HPSE2: variants seen among roughly 807,000 people sequenced by gnomAD.
HPSE2 encodes inactive heparanase-2.
A neutral mutation model predicts 60.5 loss-of-function variants in HPSE2; 38 were observed. The ratio of observed to expected loss-of-function variants is 0.63; its 90% CI spans 0.48 to 0.82. The LOEUF (loss-of-function observed/expected upper bound fraction) is 0.82, where lower values mean the gene tolerates loss of function less well. HPSE2 is among the 40% of genes least tolerant of loss of function. HPSE2 has a pLI of 0.00. For missense variants in HPSE2, 713 were observed against 740.4 expected, an observed-to-expected ratio of 0.96 and a Z score of 0.43; for synonymous variants, 295 against 293.2, an observed-to-expected ratio of 1.01 and a Z score of -0.06.
chr10:99,248,798 C>A, the HPSE2 span, among the ~76,000 whole-genome samples: 1 of 152,218 alleles, frequency 6.6e-6, no homozygotes, highest in Admixed American at 6.5e-5. Context: ...ATGCCCTGTG[C>A]AACCTCAGGA....
At chr10:99,180,116 T>G (rs534877327) in intron 2 of HPSE2, among the ~76,000 whole-genome samples, 33 of 152,280 alleles carry the variant, frequency 2.2e-4, no homozygotes, top group African/African-American at 7.7e-4. Flanking sequence ...TAACTCAAGA[T>G]GGATTAAAGA....
chr10:99,232,610 G>A, intron 1 of HPSE2, 105 bp from the exon 2 acceptor site: 1 of 1,299,700 alleles, frequency 7.7e-7, no homozygotes, highest in Non-Finnish European at 1.1e-6. Context: ...GACCTGGCCG[G>A]GGCTAGAGGC....
At chr10:98,987,398 C>A (rs906150456) in intron 3 of HPSE2, among the ~76,000 whole-genome samples, 1 of 152,172 alleles carries the variant, frequency 6.6e-6, no homozygotes, top group Non-Finnish European at 1.5e-5. Context: ...ACAAAAACCA[C>A]ATGATTATCT....
intron 6 of HPSE2, among the ~76,000 whole-genome samples, chr10:98,657,995 A>G (rs1947120816): frequency 6.6e-6 from 1 of 152,204 alleles, no homozygotes; most frequent in African/African-American, 2.4e-5. Flanking sequence ...GAATGAGAAC[A>G]GACGAAGTTT....
At chr10:99,094,292 G>C (rs781309101) in intron 3 of HPSE2, among the ~76,000 whole-genome samples, 1 of 151,288 alleles carries the variant, frequency 6.6e-6, no homozygotes, top group Admixed American at 6.6e-5. Flanking sequence ...GTATTGAAAC[G>C]TTCTCTATGA....
intron 3 of HPSE2, among the ~76,000 whole-genome samples, chr10:98,933,376 G>A (rs1379628291): frequency 6.9e-6 from 1 of 144,124 alleles, no homozygotes; most frequent in Non-Finnish European, 1.5e-5. Context: ...TTCCAATTAT[G>A]TGATCAATTT....
At position 98,952,921 on chromosome 10, in the gene HPSE2, T is replaced by A. The variant is rs181180539; in HGVS notation, c.610+191317A>T. Among the ~76,000 whole-genome samples the A allele has an allele frequency of 2.6e-5, 4 of 152,216 alleles. No individual in the cohort carries two copies. The East Asian group carries it at 7.7e-4, about 29-fold the overall frequency. ...CTCTGTCTCCAAATATAGTCCACAT[T>A]GGGAGTTAGGGCTTCAATATACGAA... On this transcript the variant is annotated intron_variant, in intron 3 of 11. Coordinates refer to ENST00000370552, the MANE Select transcript of HPSE2 (RefSeq NM_021828.5).
intron 3 of HPSE2, among the ~76,000 whole-genome samples, chr10:99,135,222 C>CCTTT (rs1845599941): frequency 7.1e-6 from 1 of 140,538 alleles, no homozygotes. Context: ...TCTTAGAGAC[C>CCTTT]TACAAAGAGA....
intron 3 of HPSE2, among the ~76,000 whole-genome samples, chr10:98,872,978 G>A (rs1409051039): frequency 6.6e-6 from 1 of 152,092 alleles, no homozygotes; most frequent in East Asian, 1.9e-4. Context: ...ACACTAAGCA[G>A]CATCTGCTTG....
At chr10:98,574,606 A>T (rs1259611148) in intron 9 of HPSE2, among the ~76,000 whole-genome samples, 1 of 152,176 alleles carries the variant, frequency 6.6e-6, no homozygotes, top group East Asian at 1.9e-4. Flanking sequence ...CATCCAGTCT[A>T]CCCAATATGC....
chr10:98,653,885 GA>G (rs1164727275), intron 6 of HPSE2, among the ~76,000 whole-genome samples: 9 of 151,852 alleles, frequency 5.9e-5, no homozygotes, highest in Admixed American at 5.9e-4. Context: ...CTCATGCAGG[GA>G]AAGTCTGCTG....
chr10:98,690,801 T>C (rs1009066104), intron 6 of HPSE2, among the ~76,000 whole-genome samples: 2 of 152,294 alleles, frequency 1.3e-5, no homozygotes, highest in South Asian at 4.1e-4. Flanking sequence ...GTTTTCTAAA[T>C]GGGTTGGTGG....
chr10:98,599,417 T>C (rs568869158), intron 9 of HPSE2, among the ~76,000 whole-genome samples: 1 of 152,184 alleles, frequency 6.6e-6, no homozygotes, highest in African/African-American at 2.4e-5. Context: ...AGGGTGGGCC[T>C]GAAGCCCAGG....
intron 3 of HPSE2, among the ~76,000 whole-genome samples, chr10:99,073,435 T>TGGACACAGGGAGGAGAACAAC (rs1842861514): frequency 6.7e-6 from 1 of 149,786 alleles, no homozygotes; most frequent in Non-Finnish European, 1.5e-5. Flanking sequence ...TGAGAACACA[T>TGGACACAGGGAGGAGAACAAC]GGACACAGGG....
chr10:99,220,543 G>A (rs868174302), intron 2 of HPSE2, among the ~76,000 whole-genome samples: 4 of 152,224 alleles, frequency 2.6e-5, no homozygotes, highest in Admixed American at 6.5e-5. Flanking sequence ...GGTGGTTCAC[G>A]CCTGTAATCC....
intron 3 of HPSE2, among the ~76,000 whole-genome samples, chr10:99,140,079 A>G (rs887040904): frequency 2.0e-5 from 3 of 152,248 alleles, no homozygotes; most frequent in African/African-American, 7.2e-5. Flanking sequence ...ACTTTGATAA[A>G]GTAGCAATAG....
At chr10:98,905,042 T>C (rs1953771190) in intron 3 of HPSE2, among the ~76,000 whole-genome samples, 1 of 152,164 alleles carries the variant, frequency 6.6e-6, no homozygotes, top group Non-Finnish European at 1.5e-5. Flanking sequence ...CTTACATACA[T>C]GGGCATAATA....
chr10:98,575,214 C>G (rs1208916457), intron 9 of HPSE2, among the ~76,000 whole-genome samples: 1 of 152,138 alleles, frequency 6.6e-6, no homozygotes, highest in African/African-American at 2.4e-5. Context: ...TGCTAAAGAC[C>G]TAGGCATAAC....
At chr10:98,525,746 G>C (rs960128183) in intron 9 of HPSE2, among the ~76,000 whole-genome samples, 9 of 152,122 alleles carry the variant, frequency 5.9e-5, no homozygotes, top group African/African-American at 2.2e-4. Flanking sequence ...ATGGGTTGGG[G>C]GGCATGTAAC....
Sources: gnomAD v4.1 joint callset for allele counts (sites outside exome capture counted in the v4.1 genomes callset) on GRCh38, gnomAD v4.1.1 for gene constraint, MANE v1.5 for transcripts, NCBI Gene and HGNC (gene_info 2026-07-23, HGNC 2026-07-21) for gene names.